RIMS1: variants seen among roughly 807,000 people sequenced by gnomAD.
The protein encoded by RIMS1 is regulating synaptic membrane exocytosis protein 1.
Under a neutral mutation model 214.1 loss-of-function variants are expected in RIMS1, and 83 were observed. The ratio of observed to expected loss-of-function variants is 0.39; its 90% confidence interval spans 0.32 to 0.47. RIMS1 has a LOEUF of 0.47. Ranked by LOEUF, RIMS1 falls within the 20% of genes least tolerant of loss-of-function variation. The pLI is 0.99. For synonymous variants in RIMS1, 793 were observed against 786.8 expected (o/e 1.01, Z -0.13); for missense variants, 2,050 against 2,161.8 (o/e 0.95, Z 1.03).
intron 6 of RIMS1, among the ~76,000 whole-genome samples, chr6:72,199,143 A>T (rs2051489267): frequency 6.6e-6 from 1 of 152,106 alleles, no homozygotes; most frequent in Admixed American, 6.6e-5. Flanking sequence ...AGAAATATCC[A>T]ATGACTAATG....
At chr6:71,958,401 A>G (rs959755534) in intron 1 of RIMS1, among the ~76,000 whole-genome samples, 2 of 152,130 alleles carry the variant, frequency 1.3e-5, no homozygotes, top group Admixed American at 6.6e-5. Context: ...TCTTATGCCT[A>G]TATAAGAACG....
At chr6:72,108,732 G>C (rs1052800939) in intron 4 of RIMS1, among the ~76,000 whole-genome samples, 1 of 150,114 alleles carries the variant, frequency 6.7e-6, no homozygotes, top group East Asian at 2.0e-4. Context: ...TAAGTTTTAG[G>C]GTACATGTGC....
At chr6:72,160,111 T>TTGTAA (rs201916929) in intron 4 of RIMS1, among the ~76,000 whole-genome samples, 103,568 of 119,766 alleles carry the variant, frequency 0.86, 46,967 homozygotes, top group East Asian at 1. Flanking sequence ...TTCACATCCC[T>TTGTAA]CTTGGATTCC....
At chr6:71,903,756 G>C (rs1414349408) in intron 1 of RIMS1, among the ~76,000 whole-genome samples, 7 of 151,622 alleles carry the variant, frequency 4.6e-5, no homozygotes, top group African/African-American at 1.7e-4. Context: ...TAGTGTGTGT[G>C]TGTGTTTTTT....
intron 2 of RIMS1, among the ~76,000 whole-genome samples, chr6:72,070,174 T>A (rs780261658): frequency 1.1e-4 from 16 of 152,312 alleles, no homozygotes; most frequent in Admixed American, 8.5e-4. Context: ...AGCAAGATTG[T>A]GTGTAAAAAT....
At chr6:72,113,509 G>T (rs2036498077) in intron 4 of RIMS1, among the ~76,000 whole-genome samples, 1 of 152,118 alleles carries the variant, frequency 6.6e-6, no homozygotes, top group African/African-American at 2.4e-5. Context: ...GCCTTGAATA[G>T]AATAGTAGCC....
intron 4 of RIMS1, among the ~76,000 whole-genome samples, chr6:72,166,784 A>C (rs2046329748): frequency 1.3e-5 from 2 of 151,422 alleles, no homozygotes; most frequent in Admixed American, 1.3e-4. Flanking sequence ...ATGTTTATTG[A>C]CTTAGTATCT....
At position 72,179,171 on chromosome 6, in the gene RIMS1, G is replaced by A. The variant is rs543377676; in HGVS notation, c.472-404G>A. Among the ~76,000 whole-genome samples, 8 of 152,096 alleles carry A rather than the reference G, an allele frequency of 5.3e-5. No homozygotes were observed. In the East Asian group the frequency reaches 9.7e-4, roughly 18 times the overall value. Reference sequence around the variant, plus strand: ...CAAGTACTGAGGTTTATGTATTTACGTACTGATTCTGTAGTTCCTGGTAAC... The same window carrying A: ...CAAGTACTGAGGTTTATGTATTTACATACTGATTCTGTAGTTCCTGGTAAC... On this transcript the variant is annotated intron_variant, in intron 4 of 33. Coordinates refer to ENST00000521978, the MANE Select transcript of RIMS1 (RefSeq NM_014989.7).
chr6:72,306,341 A>G lies in RIMS1; in HGVS notation c.3851-917A>G, dbSNP rs140372929. Among the ~76,000 whole-genome samples the G allele has an allele frequency of 2.0e-4, 31 of 152,310 alleles. No homozygotes were observed. The East Asian group carries it at 5.8e-3, about 28-fold the overall frequency. ...TGTCTGGGAAGTTGGCAAATGTTGT[A>G]TAAAGTAAACATAAGTCTCATACAA... On this transcript the variant is annotated intron_variant, in intron 26 of 33. Transcript: ENST00000521978.
chr6:71,936,321 C>A (rs1401239827), intron 1 of RIMS1, among the ~76,000 whole-genome samples: 1 of 90,376 alleles, frequency 1.1e-5, no homozygotes, highest in Non-Finnish European at 2.0e-5. Flanking sequence ...AGCGAGACTC[C>A]GTCTCAAAAA....
At position 72,182,504 on chromosome 6, in the gene RIMS1, CAAAGA is replaced by C. The variant is rs2048526916; in HGVS notation, c.1039_1043del (p.Lys347GlyfsTer23). On this transcript the variant is annotated frameshift_variant, in exon 6 of 34. Coordinates refer to ENST00000521978, the MANE Select transcript of RIMS1 (RefSeq NM_014989.7). LOFTEE classifies it high-confidence loss of function. ...GGGCAAAGCGGCGGATGAGGAAAAG[CAAAGA>C]AAAGAGGAGGATTATCAGACCAGGT... The C allele has an allele frequency of 6.3e-7, 1 of 1,599,924 alleles. No individual in the cohort carries two copies. The highest frequency in any genetic ancestry group is 8.5e-7 in the Non-Finnish European group (1 of 1,173,060).
At chr6:71,933,327 T>C (rs1783596447) in intron 1 of RIMS1, among the ~76,000 whole-genome samples, 2 of 152,134 alleles carry the variant, frequency 1.3e-5, no homozygotes, top group Admixed American at 1.3e-4. Flanking sequence ...TTTCCCCGTG[T>C]GTTTTCTTGT....
chr6:71,919,423 T>C (rs1393457023), intron 1 of RIMS1, among the ~76,000 whole-genome samples: 1 of 151,794 alleles, frequency 6.6e-6, no homozygotes, highest in Non-Finnish European at 1.5e-5. Context: ...AAAACAATTA[T>C]GGGTGGGAAG....
At chr6:72,289,014 C>A (rs1343635033) in intron 24 of RIMS1, among the ~76,000 whole-genome samples, 1 of 152,178 alleles carries the variant, frequency 6.6e-6, no homozygotes, top group Admixed American at 6.5e-5. Context: ...CCCAGGAAGC[C>A]ATTTATTTGC....
intron 7 of RIMS1, 29 bp from the exon 8 acceptor site, chr6:72,235,589 A>G: frequency 4.2e-6 from 6 of 1,416,498 alleles, no homozygotes; most frequent in Non-Finnish European, 5.9e-6. Flanking sequence ...TGTATATATT[A>G]CTTTTTAAAC....
At chr6:72,351,556 G>A (rs973925885) in intron 29 of RIMS1, among the ~76,000 whole-genome samples, 1 of 152,122 alleles carries the variant, frequency 6.6e-6, no homozygotes, top group African/African-American at 2.4e-5. Flanking sequence ...ACAATTGGCT[G>A]GATTCTTCAA....
At chr6:72,258,931 C>T (rs1590943571) in intron 17 of RIMS1, 55 bp from the exon 18 acceptor site, 2 of 1,557,222 alleles carry the variant, frequency 1.3e-6, no homozygotes, top group South Asian at 1.1e-5. Flanking sequence ...AGTCTGTCTG[C>T]CTGTTTTGGG....
chr6:72,224,181 G>A (rs1283772645), intron 6 of RIMS1, among the ~76,000 whole-genome samples: 1 of 152,190 alleles, frequency 6.6e-6, no homozygotes, highest in African/African-American at 2.4e-5. Flanking sequence ...AGGGGAGAGG[G>A]ACTGTCTAGA....
chr6:72,175,527 G>C (rs1398736755), intron 4 of RIMS1, among the ~76,000 whole-genome samples: 1 of 151,958 alleles, frequency 6.6e-6, no homozygotes, highest in Non-Finnish European at 1.5e-5. Flanking sequence ...ACAAAAATTA[G>C]CTGGGCGTGG....
Sources: gnomAD v4.1 joint callset for allele counts (sites outside exome capture counted in the v4.1 genomes callset) on GRCh38, gnomAD v4.1.1 for gene constraint, MANE v1.5 for transcripts, NCBI Gene and HGNC (gene_info 2026-07-23, HGNC 2026-07-21) for gene names.